CNGB3: variants seen among roughly 807,000 people sequenced by gnomAD.
CNGB3 encodes cyclic nucleotide-gated channel beta-3.
In CNGB3, 86 loss-of-function variants were observed where a neutral mutation model predicts 92.8. That is an observed-to-expected ratio of 0.93 (90% confidence interval 0.78 to 1.11). CNGB3 has a LOEUF of 1.11. CNGB3 is among the 50% of genes least tolerant of loss of function. The pLI, the probability that CNGB3 is intolerant of heterozygous loss-of-function variation, is 0.00. For missense variants in CNGB3, 1,026 were observed against 956.8 expected, an observed-to-expected ratio of 1.07 and a Z score of -0.95; for synonymous variants, 333 against 332.7, an observed-to-expected ratio of 1.00 and a Z score of -0.01.
chr8:86,691,485 T>C (rs1218067912), intron 3 of CNGB3, among the ~76,000 whole-genome samples: 1 of 152,182 alleles, frequency 6.6e-6, no homozygotes, highest in African/African-American at 2.4e-5. Flanking sequence ...TTTTCCCCAT[T>C]CAGTACTATG....
chr8:86,647,853 C>T lies in CNGB3; in HGVS notation c.938G>A (p.Cys313Tyr), dbSNP rs778576551. ...TGGATTAAACCCAAAGAAGAGGTAG[C>T]AAATATCAAATGGTATTATTGATGC... ...DVASIIPFDI[C>Y]YLFFGFNPMF... The change falls in exon 8 of 18, where the codon TGC becomes TAC. Residue 313 changes from cysteine to tyrosine, a missense_variant. Transcript: ENST00000320005. 2 of 1,598,550 alleles carry T rather than the reference C, an allele frequency of 1.3e-6. No individual in the cohort carries two copies. The highest frequency in any genetic ancestry group is 1.7e-6 in the Non-Finnish European group (2 of 1,166,838).
chr8:86,696,654 A>G (rs1824455726), intron 3 of CNGB3, among the ~76,000 whole-genome samples: 1 of 152,138 alleles, frequency 6.6e-6, no homozygotes, highest in Non-Finnish European at 1.5e-5. Flanking sequence ...CTGAATTGAC[A>G]CCTTTATCAT....
chr8:86,734,834 G>C (rs951724625), intron 2 of CNGB3, among the ~76,000 whole-genome samples: 2 of 152,072 alleles, frequency 1.3e-5, no homozygotes, highest in African/African-American at 4.8e-5. Flanking sequence ...TTGTATCAGG[G>C]TTGGGATTTA....
At chr8:86,655,546 C>G (rs1823488978) in intron 6 of CNGB3, among the ~76,000 whole-genome samples, 1 of 152,162 alleles carries the variant, frequency 6.6e-6, no homozygotes, top group Non-Finnish European at 1.5e-5. Flanking sequence ...ACTCATCCAT[C>G]AAGATTTGGA....
At chr8:86,635,853 T>A (rs1417742532) in intron 10 of CNGB3, among the ~76,000 whole-genome samples, 1 of 80,378 alleles carries the variant, frequency 1.2e-5, no homozygotes, top group East Asian at 3.4e-4. Flanking sequence ...TATATATATA[T>A]ATATATATAT....
At chr8:86,673,784 A>T (rs1347570015) in intron 3 of CNGB3, among the ~76,000 whole-genome samples, 2 of 34,398 alleles carry the variant, frequency 5.8e-5, no homozygotes, top group East Asian at 0.038. Context: ...AAGTAGCGGC[A>T]TGAAAAAATT....
At chr8:86,718,042 AAGGCGTACATC>A (rs1349214534) in intron 3 of CNGB3, among the ~76,000 whole-genome samples, 3 of 152,184 alleles carry the variant, frequency 2.0e-5, no homozygotes, top group African/African-American at 7.2e-5. Context: ...CATAGCATTA[AAGGCGTACATC>A]AAAAAGTCAG....
chr8:86,668,413 C>A (rs1225621288), intron 4 of CNGB3, among the ~76,000 whole-genome samples: 4 of 151,968 alleles, frequency 2.6e-5, no homozygotes, highest in Non-Finnish European at 4.4e-5. Context: ...TGCAGCAAAC[C>A]ACCATAGCCC....
chr8:86,689,126 G>T (rs1257122716), intron 3 of CNGB3, among the ~76,000 whole-genome samples: 1 of 150,328 alleles, frequency 6.7e-6, no homozygotes, highest in African/African-American at 2.4e-5. Flanking sequence ...TTCCATTGTG[G>T]TCAGAGAAGA....
At chr8:86,636,867 C>G (rs1823082378) in intron 10 of CNGB3, among the ~76,000 whole-genome samples, 1 of 152,078 alleles carries the variant, frequency 6.6e-6, no homozygotes, top group South Asian at 2.1e-4. Context: ...CTTTCTGTGT[C>G]TTGTTTATTT....
At chr8:86,693,857 A>G (rs947488498) in intron 3 of CNGB3, among the ~76,000 whole-genome samples, 18 of 152,130 alleles carry the variant, frequency 1.2e-4, no homozygotes, top group Non-Finnish European at 1.9e-4. Flanking sequence ...CTCTACACAG[A>G]CACGGCAACC....
At chr8:86,725,098 A>G (rs1825038098) in intron 3 of CNGB3, among the ~76,000 whole-genome samples, 1 of 152,192 alleles carries the variant, frequency 6.6e-6, no homozygotes, top group Non-Finnish European at 1.5e-5. Context: ...ATCCCCCAAA[A>G]TGTTAGTTAT....
intron 13 of CNGB3, among the ~76,000 whole-genome samples, chr8:86,615,082 T>A (rs1822591283): frequency 6.6e-6 from 1 of 152,168 alleles, no homozygotes; most frequent in South Asian, 2.1e-4. Flanking sequence ...GTACTATAAG[T>A]AATCTATAGT....
At chr8:86,666,055 A>T (rs1823734689) in intron 6 of CNGB3, among the ~76,000 whole-genome samples, 1 of 152,210 alleles carries the variant, frequency 6.6e-6, no homozygotes. Context: ...CGTGTCCTAA[A>T]ATATTACAGC....
At chr8:86,697,131 A>G (rs910039080) in intron 3 of CNGB3, among the ~76,000 whole-genome samples, 3 of 152,190 alleles carry the variant, frequency 2.0e-5, no homozygotes, top group Admixed American at 2.0e-4. Flanking sequence ...ATGGATGATA[A>G]CATATTTTGG....
intron 6 of CNGB3, chr8:86,658,824 C>T: frequency 1.7e-6 from 1 of 602,108 alleles, no homozygotes; most frequent in East Asian, 3.0e-5. Flanking sequence ...GACTGCATGA[C>T]TGATGGTGGT....
At chr8:86,640,583 A>G (rs1396463176) in intron 10 of CNGB3, among the ~76,000 whole-genome samples, 1 of 152,050 alleles carries the variant, frequency 6.6e-6, no homozygotes, top group East Asian at 1.9e-4. Context: ...TTTTCTGCCT[A>G]TGAAGCCAAC....
intron 3 of CNGB3, among the ~76,000 whole-genome samples, chr8:86,692,316 A>T (rs1824335483): frequency 6.6e-6 from 1 of 152,182 alleles, no homozygotes; most frequent in Admixed American, 6.5e-5. Flanking sequence ...TAGGGCTGTC[A>T]GTAAAGTATT....
At chr8:86,667,384 C>T (rs1823764276) in intron 5 of CNGB3, among the ~76,000 whole-genome samples, 1 of 152,216 alleles carries the variant, frequency 6.6e-6, no homozygotes, top group South Asian at 2.1e-4. Flanking sequence ...AGTGGCCCCT[C>T]TGAGTCTGTC....
Sources: allele counts gnomAD v4.1 joint callset (sites outside exome capture counted in the v4.1 genomes callset), GRCh38; gene constraint gnomAD v4.1.1; transcripts MANE v1.5; gene names NCBI Gene and HGNC (gene_info 2026-07-23, HGNC 2026-07-21).